Variants in PRKG1 observed in about 807,000 individuals in gnomAD.
The protein encoded by PRKG1 is cGMP-dependent protein kinase 1.
PRKG1 carries 35 observed loss-of-function variants against 88.1 expected under a neutral mutation model. That is an observed-to-expected ratio of 0.40 (90% CI 0.30 to 0.53). The LOEUF is 0.53. Among genes scored for constraint, PRKG1 ranks in the 20% least tolerant of loss-of-function variants. The probability of loss-of-function intolerance (pLI) is 0.59; values close to 1 mark genes in which losing one functional copy is unlikely to be tolerated. For missense variants in PRKG1, 540 were observed against 839.8 expected (o/e 0.64, Z 4.41); for synonymous variants, 303 against 292.5 (o/e 1.04, Z -0.37).
intron 4 of PRKG1, among the ~76,000 whole-genome samples, chr10:51,815,579 T>C (rs1034634118): frequency 1.3e-5 from 2 of 152,136 alleles, no homozygotes; most frequent in African/African-American, 4.8e-5. Flanking sequence ...GAAAGCGTCT[T>C]AGTGTGTACA....
chr10:51,411,185 G>C lies in PRKG1; in HGVS notation c.479-56538G>C, dbSNP rs1223469345. Among the ~76,000 whole-genome samples, 3 of 152,102 alleles carry C rather than the reference G, an allele frequency of 2.0e-5. No individual in the cohort carries two copies. The South Asian group carries it at 6.2e-4, about 32-fold the overall frequency. ...TGGCTAATTATTTGAATTTTTAGTA[G>C]AGATGAGGTTTCACCATGTTGGCCA... On this transcript the variant is annotated intron_variant, in intron 2 of 17. Coordinates refer to ENST00000373980, the MANE Select transcript of PRKG1 (RefSeq NM_006258.4).
chr10:51,719,140 ATC>A (rs1305590018), intron 3 of PRKG1, among the ~76,000 whole-genome samples: 4 of 129,072 alleles, frequency 3.1e-5, no homozygotes, highest in African/African-American at 1.1e-4. Context: ...ACAGAGCAAT[ATC>A]CTGTCTCAAA....
At chr10:51,718,871 G>A (rs1841947911) in intron 3 of PRKG1, among the ~76,000 whole-genome samples, 1 of 151,920 alleles carries the variant, frequency 6.6e-6, no homozygotes, top group South Asian at 2.1e-4. Context: ...CCTAGGCCAG[G>A]TGTGGTGGCT....
chr10:51,027,848 A>T (rs142949931), intron 1 of PRKG1, among the ~76,000 whole-genome samples: 6 of 152,074 alleles, frequency 3.9e-5, no homozygotes, highest in Non-Finnish European at 5.9e-5. Context: ...CAACCCAGGA[A>T]CCCTTAATTG....
intron 4 of PRKG1, among the ~76,000 whole-genome samples, chr10:51,895,433 C>T (rs1384147127): frequency 6.6e-6 from 1 of 152,100 alleles, no homozygotes; most frequent in Non-Finnish European, 1.5e-5. Flanking sequence ...CTTCCAGTAT[C>T]TGCATGGGCC....
At chr10:51,829,501 G>C (rs1481622005) in intron 4 of PRKG1, among the ~76,000 whole-genome samples, 1 of 152,070 alleles carries the variant, frequency 6.6e-6, no homozygotes, top group East Asian at 1.9e-4. Flanking sequence ...CAGCAATAAG[G>C]AAAATTTGAA....
intron 4 of PRKG1, among the ~76,000 whole-genome samples, chr10:51,853,976 T>C (rs139384038): frequency 1.3e-5 from 2 of 152,256 alleles, no homozygotes; most frequent in African/African-American, 2.4e-5. Context: ...ACTTGCAAAA[T>C]TGTTTTCACT....
intron 1 of PRKG1, among the ~76,000 whole-genome samples, chr10:51,120,423 T>G (rs542797073): frequency 7.6e-4 from 116 of 152,084 alleles, no homozygotes; most frequent in Admixed American, 1.8e-3. Flanking sequence ...TTCACATATA[T>G]CACTATTTTT....
At chr10:51,625,655 T>TTA (rs1839316922) in intron 3 of PRKG1, among the ~76,000 whole-genome samples, 3 of 152,232 alleles carry the variant, frequency 2.0e-5, no homozygotes, top group African/African-American at 7.2e-5. Context: ...AATTATCATT[T>TTA]AATAGTGCAT....
rs571207069 is a variant in PRKG1 at position 51,209,139 on chromosome 10, C to G, written c.478+55809C>G. ...TCTGTGTTTATGTGGAAGAGAGAAA[C>G]AGAAAGATATTGTTTTGACTAGTGT... On this transcript the variant is annotated intron_variant, in intron 2 of 17. Coordinates refer to ENST00000373980, the MANE Select transcript of PRKG1 (RefSeq NM_006258.4). Among the ~76,000 whole-genome samples, 19 of 152,206 alleles carry G rather than the reference C, an allele frequency of 1.2e-4. No homozygotes were observed. The South Asian group carries it at 3.7e-3, about 30-fold the overall frequency.
intron 5 of PRKG1, among the ~76,000 whole-genome samples, chr10:51,947,190 G>A (rs112049809): frequency 0.11 from 16,779 of 151,902 alleles, 1,152 homozygotes; most frequent in East Asian, 0.34. Context: ...CCCCAGCCTC[G>A]CTGCCGCCTT....
chr10:52,074,373 A>C (rs1846580278), intron 7 of PRKG1, among the ~76,000 whole-genome samples: 1 of 152,128 alleles, frequency 6.6e-6, no homozygotes, highest in Non-Finnish European at 1.5e-5. Context: ...TTTTCCATAA[A>C]ATGGTTTATT....
At chr10:51,296,023 AC>A (rs1840712124) in intron 2 of PRKG1, among the ~76,000 whole-genome samples, 1 of 152,060 alleles carries the variant, frequency 6.6e-6, no homozygotes. Flanking sequence ...AGGGATAAAT[AC>A]CACTTGGTCA....
chr10:51,737,049 A>T (rs565495807), intron 3 of PRKG1, among the ~76,000 whole-genome samples: 35 of 152,328 alleles, frequency 2.3e-4, no homozygotes, highest in Non-Finnish European at 4.0e-4. Context: ...ACTTTTAAAG[A>T]TTATTTACAA....
intron 3 of PRKG1, among the ~76,000 whole-genome samples, chr10:51,781,946 C>G (rs187039157): frequency 3.3e-5 from 5 of 151,438 alleles, no homozygotes; most frequent in African/African-American, 9.7e-5. Context: ...CCCCAACACC[C>G]ATTGTATTTA....
At position 51,988,309 on chromosome 10, in the gene PRKG1, C is replaced by T. The variant is rs1844215954; in HGVS notation, c.763-66175C>T. On this transcript the variant is annotated intron_variant, in intron 5 of 17. Coordinates refer to ENST00000373980, the MANE Select transcript of PRKG1 (RefSeq NM_006258.4). ...TGGATATGTTTAACTTGATGCAACA[C>T]ATTAGAAAATTTATTGATTCTTCCC... 1.3e-5 allele frequency among the ~76,000 whole-genome samples: 2 copies of T among 152,030 alleles called. 1 individual carries two copies. The highest frequency in any genetic ancestry group is 4.1e-4 in the South Asian group (2 of 4,826).
chr10:52,034,051 G>A (rs1378042625), intron 5 of PRKG1, among the ~76,000 whole-genome samples: 4 of 151,868 alleles, frequency 2.6e-5, no homozygotes, highest in African/African-American at 9.7e-5. Flanking sequence ...GCAAGGACTG[G>A]CCATTTACAC....
intron 2 of PRKG1, among the ~76,000 whole-genome samples, chr10:51,181,928 C>G (rs1837358126): frequency 6.6e-6 from 1 of 152,166 alleles, no homozygotes; most frequent in African/African-American, 2.4e-5. Flanking sequence ...TAATCAACAT[C>G]ATATTTTTTA....
chr10:52,137,662 C>A (rs978032219), intron 8 of PRKG1, among the ~76,000 whole-genome samples: 3 of 152,010 alleles, frequency 2.0e-5, no homozygotes, highest in African/African-American at 2.4e-5. Flanking sequence ...CTAATAAAAT[C>A]TAAATGCTAT....
Sources: gnomAD v4.1 joint callset for allele counts (sites outside exome capture counted in the v4.1 genomes callset) on GRCh38, gnomAD v4.1.1 for gene constraint, MANE v1.5 for transcripts, NCBI Gene and HGNC (gene_info 2026-07-23, HGNC 2026-07-21) for gene names.